MYOZ2: variants seen among roughly 807,000 people sequenced by gnomAD.
MYOZ2 encodes myozenin 2.
Under a neutral mutation model 25.4 loss-of-function variants are expected in MYOZ2, and 19 were observed. The ratio of observed to expected loss-of-function variants is 0.75; its 90% CI spans 0.52 to 1.10. The LOEUF (loss-of-function observed/expected upper bound fraction) is 1.10, where lower values mean the gene tolerates loss of function less well. Ranked by LOEUF, MYOZ2 falls within the 50% of genes least tolerant of loss-of-function variation. The pLI is 0.00. For synonymous variants in MYOZ2, 92 were observed against 106.9 expected, an observed-to-expected ratio of 0.86 and a Z score of 0.86; for missense variants, 270 against 317.9, an observed-to-expected ratio of 0.85 and a Z score of 1.15.
intron 3 of MYOZ2, 119 bp downstream of exon 3, chr4:119,151,160 CTA>C (rs1170905000): frequency 2.8e-6 from 3 of 1,074,566 alleles, no homozygotes; most frequent in Admixed American, 5.0e-5. Flanking sequence ...TTCTGTTAGG[CTA>C]TTTTTTTTTT....
intron 5 of MYOZ2, among the ~76,000 whole-genome samples, chr4:119,168,427 T>C (rs973141888): frequency 1.3e-5 from 2 of 152,192 alleles, no homozygotes; most frequent in Admixed American, 1.3e-4. Flanking sequence ...GCAAAGTAAA[T>C]TGAAAACCTT....
intron 4 of MYOZ2, 152 bp downstream of exon 4, chr4:119,158,303 C>A: frequency 1.9e-6 from 2 of 1,062,388 alleles, no homozygotes; most frequent in Non-Finnish European, 1.4e-6. Context: ...GGCTCCCAAT[C>A]CCAGCACTTT....
At chr4:119,162,550 T>C (rs1177257608) in intron 4 of MYOZ2, among the ~76,000 whole-genome samples, 1 of 152,236 alleles carries the variant, frequency 6.6e-6, no homozygotes, top group East Asian at 1.9e-4. Flanking sequence ...AGAGCAGTGT[T>C]CCTCGTTGTT....
chr4:119,155,825 T>C (rs1360506379), intron 3 of MYOZ2, among the ~76,000 whole-genome samples: 1 of 152,026 alleles, frequency 6.6e-6, no homozygotes, highest in Non-Finnish European at 1.5e-5. Flanking sequence ...GATGATGACA[T>C]GATAAAGTAT....
chr4:119,155,243 C>A (rs6820140), intron 3 of MYOZ2, among the ~76,000 whole-genome samples: 1 of 151,928 alleles, frequency 6.6e-6, no homozygotes, highest in African/African-American at 2.4e-5. Context: ...AACTCCAACA[C>A]TGGAAATGAA....
chr4:119,177,628 T>G (rs1217608230), intron 5 of MYOZ2, among the ~76,000 whole-genome samples: 1 of 152,184 alleles, frequency 6.6e-6, no homozygotes, highest in Non-Finnish European at 1.5e-5. Flanking sequence ...CTACCTTACC[T>G]TCTCATTATC....
intron 5 of MYOZ2, among the ~76,000 whole-genome samples, chr4:119,172,408 G>T (rs1741965463): frequency 6.6e-6 from 1 of 152,156 alleles, no homozygotes; most frequent in African/African-American, 2.4e-5. Context: ...AGTGCTGATT[G>T]GTCAGGTGGA....
intron 1 of MYOZ2, 77 bp from the exon 2 acceptor site, chr4:119,136,435 C>A (rs1355340379): frequency 3.1e-6 from 4 of 1,274,338 alleles, no homozygotes; most frequent in Admixed American, 3.6e-5. Flanking sequence ...AAGATGTTGT[C>A]TTTCAAAACA....
At chr4:119,173,541 A>G (rs1029085003) in intron 5 of MYOZ2, among the ~76,000 whole-genome samples, 3 of 152,228 alleles carry the variant, frequency 2.0e-5, no homozygotes, top group African/African-American at 7.2e-5. Flanking sequence ...AGCCTCAATG[A>G]CGCCAAAGAA....
In MYOZ2 at chr4:119,171,355, TATTA is replaced by T. The variant is rs1389432232; in HGVS notation, c.560+6967_560+6970del. Among the ~76,000 whole-genome samples, 8 of 152,168 alleles carry T rather than the reference TATTA, an allele frequency of 5.3e-5. No homozygotes were observed. In the South Asian group the frequency reaches 8.3e-4, roughly 16 times the overall value. ...CCAGCAATAATTAGAAAATAAATAG[TATTA>T]ATTAACTTTTACCTTATGTTTTGTG... On this transcript the variant is annotated intron_variant, in intron 5 of 5. Transcript: ENST00000307128.
At chr4:119,178,435 C>A (rs1742122350) in intron 5 of MYOZ2, among the ~76,000 whole-genome samples, 1 of 152,172 alleles carries the variant, frequency 6.6e-6, no homozygotes, top group South Asian at 2.1e-4. Context: ...ATTAACATGT[C>A]AAATGAAACT....
intron 5 of MYOZ2, among the ~76,000 whole-genome samples, chr4:119,185,739 A>G (rs529452795): frequency 6.6e-6 from 1 of 152,360 alleles, no homozygotes; most frequent in Admixed American, 6.5e-5. Context: ...ATGAACTTCA[A>G]TGAATTTGTT....
chr4:119,136,380 GAAGT>G, intron 1 of MYOZ2, 128 bp from the exon 2 acceptor site: 1 of 775,214 alleles, frequency 1.3e-6, no homozygotes, highest in Non-Finnish European at 2.2e-6. Context: ...AATGCGTATT[GAAGT>G]CTTTCAGTAG....
intron 5 of MYOZ2, among the ~76,000 whole-genome samples, chr4:119,168,684 A>G (rs181814217): frequency 1.1e-5 from 1 of 95,036 alleles, no homozygotes; most frequent in Non-Finnish European, 1.8e-5. Flanking sequence ...ACAACAACAA[A>G]ACAACAACAA....
chr4:119,150,051 A>C (rs1320246293), intron 2 of MYOZ2, among the ~76,000 whole-genome samples: 1 of 152,204 alleles, frequency 6.6e-6, no homozygotes, highest in Non-Finnish European at 1.5e-5. Flanking sequence ...TATTACAGAA[A>C]TATATTAGTG....
intron 5 of MYOZ2, among the ~76,000 whole-genome samples, chr4:119,170,174 A>G (rs1259171457): frequency 1.3e-5 from 2 of 151,948 alleles, no homozygotes; most frequent in African/African-American, 4.8e-5. Flanking sequence ...ATAACTCCCC[A>G]TTCCCTCTCT....
chr4:119,180,645 C>T (rs1742169329), intron 5 of MYOZ2, among the ~76,000 whole-genome samples: 1 of 152,162 alleles, frequency 6.6e-6, no homozygotes, highest in Non-Finnish European at 1.5e-5. Context: ...CCTCTGCTTC[C>T]TGGGTTCAAG....
At position 119,158,148 on chromosome 4, in the gene MYOZ2, C is replaced by T. The variant is rs2149223427; in HGVS notation, c.373C>T (p.Pro125Ser). Reference protein sequence around the residue: ...RSPPNPDNIAPGYSGPLKEIP... With the variant: ...RSPPNPDNIASGYSGPLKEIP... ...CCCTCCAAATCCAGACAACATTGCT[C>T]CAGGTAACCAATCCCCTTACCAACA... The change falls in exon 4 of 6, where the codon CCA becomes TCA. Residue 125 changes from proline to serine, a missense_variant. Pro to Ser is a moderately conservative substitution (Grantham distance 74). Transcript: ENST00000307128. The T allele has an allele frequency of 6.2e-7, 1 of 1,613,996 alleles. No homozygotes were observed. Among genetic ancestry groups the T allele is most frequent in the Admixed American group, 1.7e-5 (1 of 59,986 alleles).
chr4:119,151,655 T>A (rs1741452331), intron 3 of MYOZ2, among the ~76,000 whole-genome samples: 2 of 152,174 alleles, frequency 1.3e-5, no homozygotes, highest in South Asian at 4.1e-4. Flanking sequence ...TCACTTAAAC[T>A]GTCATTTAAA....
Sources: allele counts gnomAD v4.1 joint callset (sites outside exome capture counted in the v4.1 genomes callset), GRCh38; gene constraint gnomAD v4.1.1; transcripts MANE v1.5; gene names NCBI Gene and HGNC (gene_info 2026-07-23, HGNC 2026-07-21).